The following FBN1 variants were observed in gnomAD, a reference collection of about 807,000 sequenced individuals.
The protein encoded by FBN1 is fibrillin 1.
A neutral mutation model predicts 365.1 loss-of-function variants in FBN1; 29 were observed. The ratio of observed to expected loss-of-function variants is 0.08; its 90% CI spans 0.06 to 0.11. The LOEUF is 0.11. Among genes scored for constraint, FBN1 ranks in the 10% least tolerant of loss-of-function variants. The probability of loss-of-function intolerance (pLI) is 1.00; values close to 1 mark genes in which losing one functional copy is unlikely to be tolerated. For synonymous variants in FBN1, 1,210 were observed against 1,270.5 expected, an observed-to-expected ratio of 0.95 and a Z score of 1.01; for missense variants, 2,476 against 3,703.2, an observed-to-expected ratio of 0.67 and a Z score of 8.60.
At chr15:48,488,587 G>A in intron 25 of FBN1, 94 bp from the exon 26 acceptor site, 1 of 1,456,130 alleles carries the variant, frequency 6.9e-7, no homozygotes, top group South Asian at 1.2e-5. Flanking sequence ...AAGGTTGGAA[G>A]TTCTTGATTT....
At chr15:48,503,260 G>GCACTC (rs1555399715) in intron 17 of FBN1, among the ~76,000 whole-genome samples, 1 of 140,394 alleles carries the variant, frequency 7.1e-6, no homozygotes, top group African/African-American at 2.8e-5. Context: ...TCGCGCCACT[G>GCACTC]CACTCCAGCC....
At chr15:48,447,817 T>C (rs2043171272) in intron 46 of FBN1, among the ~76,000 whole-genome samples, 1 of 152,194 alleles carries the variant, frequency 6.6e-6, no homozygotes. Flanking sequence ...GGGACTCTAA[T>C]GTGTGTCTGT....
chr15:48,446,464 G>T (rs1048885884), intron 47 of FBN1, among the ~76,000 whole-genome samples: 23 of 152,182 alleles, frequency 1.5e-4, no homozygotes, highest in Admixed American at 1.3e-4. Flanking sequence ...AGAGGGTTCA[G>T]TACTATCTGT....
intron 49 of FBN1, among the ~76,000 whole-genome samples, chr15:48,443,739 T>A (rs1462594225): frequency 6.6e-6 from 1 of 152,216 alleles, no homozygotes; most frequent in Admixed American, 6.5e-5. Context: ...TAGCAATTAA[T>A]GTCCTTCACT....
In FBN1 at chr15:48,633,199, A is replaced by AT. The variant is rs534997565; in HGVS notation, c.164+11406dup. Among the ~76,000 whole-genome samples the AT allele has an allele frequency of 1.3e-3, 197 of 152,380 alleles. 2 individuals carry two copies. In the Middle Eastern group the frequency reaches 0.024, roughly 18 times the overall value. On this transcript the variant is annotated intron_variant, in intron 2 of 65. Coordinates refer to ENST00000316623, the MANE Select transcript of FBN1 (RefSeq NM_000138.5). ...TCCTATTCAAACGCAGCTAATGCTCATAACATAGTTGTCACTTGGAGTAGG... is the reference window on the plus strand; with the variant it reads ...TCCTATTCAAACGCAGCTAATGCTCATTAACATAGTTGTCACTTGGAGTAGG...
rs545437535 is a variant in FBN1 at position 48,409,458 on chromosome 15, G to A, written c.*1532C>T. ...TATTTCCTCTTATTTTCACTACCAC[G>A]AAATGCTTTCCTGCCCTTAGGGATT... On this transcript the variant is annotated 3_prime_UTR_variant, in exon 66 of 66. Transcript: ENST00000316623. 4 of 152,166 alleles carry A rather than the reference G, an allele frequency of 2.6e-5. No homozygotes were observed. The highest frequency in any genetic ancestry group is 3.9e-4 in the East Asian group (2 of 5,186). The allele number at this position is 152,166 out of a possible 1,614,324, so 9.4% of individuals were successfully genotyped here.
intron 45 of FBN1, among the ~76,000 whole-genome samples, chr15:48,451,942 C>A (rs1219359166): frequency 1.3e-5 from 2 of 152,130 alleles, no homozygotes; most frequent in Non-Finnish European, 2.9e-5. Flanking sequence ...ACATCCCTGA[C>A]AAAAGTGAAC....
At chr15:48,474,873 T>A (rs532234725) in intron 32 of FBN1, among the ~76,000 whole-genome samples, 1 of 152,326 alleles carries the variant, frequency 6.6e-6, no homozygotes, top group South Asian at 2.1e-4. Flanking sequence ...CTCTAATTAT[T>A]TTCCGTATTT....
At chr15:48,445,582 GA>G in intron 47 of FBN1, 78 bp from the exon 48 acceptor site, 4 of 1,517,830 alleles carry the variant, frequency 2.6e-6, no homozygotes, top group East Asian at 2.3e-5. Context: ...ACTTCTAAAA[GA>G]AAAAATACTT....
chr15:48,534,191 G>T lies in FBN1; in HGVS notation c.751C>A (p.Gln251Lys). 6.2e-7 allele frequency: 1 copy of T among 1,613,006 alleles called. No individual in the cohort carries two copies. The highest frequency in any genetic ancestry group is 1.1e-5 in the South Asian group (1 of 91,054). The change falls in exon 8 of 66, where the codon CAG becomes AAG. Residue 251 changes from glutamine (Q) to lysine (K), a missense_variant. Around this residue, in one of 5 missense-constraint regions of FBN1, gnomAD observed 421 missense variants for 520.1 expected, o/e 0.81. Coordinates refer to ENST00000316623, the MANE Select transcript of FBN1 (RefSeq NM_000138.5). ...CCCTGACAGAGCCCGGGGATGGCCT[G>T]GCATTCATCCACATCTGTCAGATTA... ...TGACQDVDEC[Q>K]AIPGLCQGGN...
At chr15:48,424,261 T>C (rs943733705) in intron 60 of FBN1, among the ~76,000 whole-genome samples, 1 of 152,252 alleles carries the variant, frequency 6.6e-6, no homozygotes, top group African/African-American at 2.4e-5. Context: ...GGCTTTGTGC[T>C]GCACAGGAAG....
chr15:48,513,160 G>A (rs1233938811), intron 13 of FBN1, among the ~76,000 whole-genome samples: 1 of 152,130 alleles, frequency 6.6e-6, no homozygotes. Flanking sequence ...GGCTTAGAGT[G>A]ACATCCCTAT....
At chr15:48,574,810 A>C (rs1394760995) in intron 6 of FBN1, among the ~76,000 whole-genome samples, 2 of 152,220 alleles carry the variant, frequency 1.3e-5, no homozygotes, top group Non-Finnish European at 2.9e-5. Context: ...TGGAAACTCA[A>C]GCCTGACACA....
intron 2 of FBN1, among the ~76,000 whole-genome samples, chr15:48,620,661 C>G (rs764893645): frequency 3.9e-5 from 6 of 152,072 alleles, no homozygotes; most frequent in Non-Finnish European, 8.8e-5. Context: ...TTGATAGATA[C>G]ATAATATTTT....
At chr15:48,587,484 A>G (rs1472871710) in intron 6 of FBN1, among the ~76,000 whole-genome samples, 3 of 152,120 alleles carry the variant, frequency 2.0e-5, no homozygotes, top group Non-Finnish European at 2.9e-5. Flanking sequence ...GAGTTATGTG[A>G]GTTGACGTTG....
rs376765461 is a variant in FBN1 at position 48,412,701 on chromosome 15, C to G, written c.8094G>C (p.Glu2698Asp). The change falls in exon 65 of 66, where the codon GAG becomes GAC. Residue 2698 changes from glutamate to aspartate, a missense_variant. Physicochemically the swap from Glu to Asp is conservative, Grantham distance 45. This residue lies in a region of FBN1 where 1,780 missense variants were observed against 2,840.8 expected (regional missense o/e 0.63). Transcript: ENST00000316623. ...CATCCATTTCACCACTGACAGGTGG[C>G]TCTGGGTTTCCTCGGCCCATGCCCA... ...SGMGMGRGNP[E>D]PPVSGEMDDN... 4 of 1,614,136 alleles carry G rather than the reference C, an allele frequency of 2.5e-6. No homozygotes were observed. In the African/African-American group the frequency reaches 5.3e-5, roughly 22 times the overall value.
chr15:48,419,279 G>C (rs548854772), intron 63 of FBN1, among the ~76,000 whole-genome samples: 4 of 152,308 alleles, frequency 2.6e-5, no homozygotes, highest in Admixed American at 2.6e-4. Flanking sequence ...CAGGACACTA[G>C]TGCATGGCCT....
chr15:48,492,543 G>A lies in FBN1; in HGVS notation c.2772C>T (p.Gly924=), dbSNP rs539699143. ...CEVFPGVCKN[G]LCVNTRGSFK... is the part of the protein sequence containing the mutation. ...ATGACCCCCTAGTGTTAACACACAG[G>A]CCATTTTTACACACTCCTGGGAACA... is the stretch of plus-strand genomic sequence containing the variant. Residue 924 remains glycine (G), a synonymous_variant, in exon 24 of 66, where the codon GGC becomes GGT. Coordinates refer to ENST00000316623, the MANE Select transcript of FBN1 (RefSeq NM_000138.5). 22 of 1,611,836 alleles carry A rather than the reference G, an allele frequency of 1.4e-5. No homozygotes were observed. In the African/African-American group the frequency reaches 2.9e-4, roughly 22 times the overall value.
Position 48,541,743 on chromosome 15 carries a change from T to TTTC in FBN1, c.539-3936_539-3935insGAA, listed in dbSNP as rs1555401894. Among the ~76,000 whole-genome samples the TTTC allele has an allele frequency of 0.016, 2,385 of 148,324 alleles. 182 individuals carry two copies. The East Asian group carries it at 0.22, about 14-fold the overall frequency. On this transcript the variant is annotated intron_variant, in intron 6 of 65. Coordinates refer to ENST00000316623, the MANE Select transcript of FBN1 (RefSeq NM_000138.5). ...TTACATACTCTTTTTTTTTTTTTTT[T>TTTC]CAGATAGTCTCAGCATTAGACAGGG... is the stretch of plus-strand genomic sequence containing the variant.
Sources: allele counts gnomAD v4.1 joint callset (sites outside exome capture counted in the v4.1 genomes callset), GRCh38; gene constraint gnomAD v4.1.1; regional missense constraint gnomAD v4.1.1; transcripts MANE v1.5; gene names NCBI Gene and HGNC (gene_info 2026-07-23, HGNC 2026-07-21).